GRIN2D: variants seen among roughly 807,000 people sequenced by gnomAD.
GRIN2D encodes the protein glutamate ionotropic receptor NMDA type subunit 2D.
GRIN2D carries 37 observed loss-of-function variants against 103.2 expected under a neutral mutation model. That is an observed-to-expected ratio of 0.36 (90% CI 0.28 to 0.47). GRIN2D has a LOEUF of 0.47. Among genes scored for constraint, GRIN2D ranks in the 20% least tolerant of loss-of-function variants. The pLI, the probability that GRIN2D is intolerant of heterozygous loss-of-function variation, is 1.00. For missense variants in GRIN2D, 1,557 were observed against 1,910.6 expected (o/e 0.81, Z 3.45); for synonymous variants, 845 against 885.6 (o/e 0.95, Z 0.81).
intron 11 of GRIN2D, among the ~76,000 whole-genome samples, chr19:48,424,788 C>T (rs535753095): frequency 5.9e-5 from 9 of 152,210 alleles, no homozygotes; most frequent in African/African-American, 1.7e-4. Context: ...TGCACTGGAC[C>T]GCCCAGGTCG....
At position 48,413,988 on chromosome 19, in the gene GRIN2D, C is replaced by T; in HGVS notation, c.1086-3C>T. 1 of 1,553,950 alleles carries T rather than the reference C, an allele frequency of 6.4e-7. No individual in the cohort carries two copies. On this transcript the variant is annotated splice_polypyrimidine_tract_variant and splice_region_variant and intron_variant, in intron 4 of 13. Transcript: ENST00000263269. ...CATGTCCCCTTTCCCTCCTCCTGGGCAGGTACTTCATGAACATCACGTGGG... is the reference window on the plus strand; with the variant it reads ...CATGTCCCCTTTCCCTCCTCCTGGGTAGGTACTTCATGAACATCACGTGGG...
rs550463155 is a variant in GRIN2D at position 48,408,492 on chromosome 19, C to T, written c.1085+3139C>T. On this transcript the variant is annotated intron_variant, in intron 4 of 13. Coordinates refer to ENST00000263269, the MANE Select transcript of GRIN2D (RefSeq NM_000836.4). ...CCAGCCTGTGCAACAAAGTGAGACC[C>T]TGTCTCTAAAATAATTTAAAAAATT... is the stretch of plus-strand genomic sequence containing the variant. Among the ~76,000 whole-genome samples, 11 of 151,906 alleles carry T rather than the reference C, an allele frequency of 7.2e-5. No homozygotes were observed. The East Asian group carries it at 2.1e-3, about 29-fold the overall frequency.
intron 3 of GRIN2D, among the ~76,000 whole-genome samples, chr19:48,403,683 A>G (rs748771308): frequency 2.0e-5 from 3 of 152,194 alleles, no homozygotes; most frequent in Non-Finnish European, 2.9e-5. Flanking sequence ...AAGAGGTGAC[A>G]GAGAGGTAGG....
In GRIN2D at chr19:48,437,230, C is replaced by T. The variant is rs933257988; in HGVS notation, c.2253-4539C>T. On this transcript the variant is annotated intron_variant, in intron 11 of 13. Coordinates refer to ENST00000263269, the MANE Select transcript of GRIN2D (RefSeq NM_000836.4). ...CATCCTCCTACCCTCAAGCGATCCT[C>T]CCACCTCAGCCTCCCAAGTAGCTGA... is the stretch of plus-strand genomic sequence containing the variant. Among the ~76,000 whole-genome samples the T allele has an allele frequency of 3.3e-5, 5 of 152,162 alleles. 1 individual carries two copies. The highest frequency in any genetic ancestry group is 1.2e-4 in the African/African-American group (5 of 41,426).
At chr19:48,439,173 C>A (rs1399991633) in intron 11 of GRIN2D, among the ~76,000 whole-genome samples, 1 of 149,744 alleles carries the variant, frequency 6.7e-6, no homozygotes, top group Admixed American at 6.6e-5. Context: ...AGGATTGCTT[C>A]AGCCCAGGAG....
At position 48,443,158 on chromosome 19, in the gene GRIN2D, G is replaced by A; in HGVS notation, c.3232G>A (p.Gly1078Ser). ...ACCCCTGCTGGGGCCAGGCGCGGGC[G>A]GCGCGGGGGGCACGGGGGGCGCAGG... ...SQPLLGPGAGGAGGTGGAGGG... is the reference protein window; with the variant it reads ...SQPLLGPGAGSAGGTGGAGGG... The change falls in exon 14 of 14, where the codon GGC becomes AGC. Residue 1078 changes from glycine (G) to serine (S), a missense_variant. Transcript: ENST00000263269. The surrounding 1 kb of genome is among the most constrained non-coding windows in gnomAD (Gnocchi z 8.9). The A allele has an allele frequency of 2.0e-6, 2 of 997,320 alleles. No individual in the cohort carries two copies. The highest frequency in any genetic ancestry group is 2.4e-6 in the Non-Finnish European group (2 of 837,580). The allele number at this position is 997,320 out of a possible 1,614,324, so 61.8% of individuals were successfully genotyped here.
intron 11 of GRIN2D, among the ~76,000 whole-genome samples, chr19:48,436,459 G>A (rs183305045): frequency 6.6e-6 from 1 of 152,336 alleles, no homozygotes; most frequent in African/African-American, 2.4e-5. Flanking sequence ...ATCCCCAGGA[G>A]CAATCGGGGG....
Position 48,414,610 on chromosome 19 carries a change from C to T in GRIN2D, c.1412+26C>T, listed in dbSNP as rs181855160. ...GTGACAGCTCGGGATCCAGGAGTTC[C>T]GGCTCCAAAACCCGCCTCCCGTGAA... On this transcript the variant is annotated intron_variant, in intron 6 of 13. Transcript: ENST00000263269. The surrounding 1 kb of genome is among the most constrained non-coding windows in gnomAD (Gnocchi z 4.6). 22 of 1,543,520 alleles carry T rather than the reference C, an allele frequency of 1.4e-5. No homozygotes were observed. In the African/African-American group the frequency reaches 2.3e-4, roughly 16 times the overall value.
Position 48,442,352 on chromosome 19 carries a change from C to T in GRIN2D, c.2643C>T (p.His881=), listed in dbSNP as rs1182398244. ...TGCGGCACTGCCTGGGGCCCACCCACCGCATGGACTTCCTGCTGGCCTTCT... is the reference window on the plus strand; with the variant it reads ...TGCGGCACTGCCTGGGGCCCACCCATCGCATGGACTTCCTGCTGGCCTTCT... ...WRLRHCLGPT[H]RMDFLLAFSR... The change falls in exon 13 of 14, where the codon CAC becomes CAT. Residue 881 remains histidine (H), a synonymous_variant. Coordinates refer to ENST00000263269, the MANE Select transcript of GRIN2D (RefSeq NM_000836.4). The surrounding 1 kb of genome is among the most constrained non-coding windows in gnomAD (Gnocchi z 7.2). The T allele has an allele frequency of 6.2e-7, 1 of 1,613,076 alleles. No homozygotes were observed. The highest frequency in any genetic ancestry group is 8.5e-7 in the Non-Finnish European group (1 of 1,179,916).
At chr19:48,398,323 T>G (rs1444063459) in intron 2 of GRIN2D, 44 bp from the exon 3 acceptor site, 2 of 798,472 alleles carry the variant, frequency 2.5e-6, no homozygotes, top group African/African-American at 1.9e-5. Flanking sequence ...GTCTCCCGTC[T>G]GTGCCTCCCT....
At chr19:48,431,563 T>A (rs1014368284) in intron 11 of GRIN2D, among the ~76,000 whole-genome samples, 1 of 151,980 alleles carries the variant, frequency 6.6e-6, no homozygotes, top group African/African-American at 2.4e-5. Flanking sequence ...CATTTATCAG[T>A]GACATGCCTT....
In GRIN2D at chr19:48,443,898, G is replaced by C. The variant is rs937327397; in HGVS notation, c.3972G>C (p.Arg1324Ser). The change falls in exon 14 of 14, where the codon AGG (arginine) becomes AGC (serine). Residue 1324 changes from arginine (R) to serine (S), a missense_variant. Physicochemically the swap from Arg to Ser is moderately radical, Grantham distance 110. Coordinates refer to ENST00000263269, the MANE Select transcript of GRIN2D (RefSeq NM_000836.4). The surrounding 1 kb of genome is among the most constrained non-coding windows in gnomAD (Gnocchi z 8.9). ...RHRGGDLGTR[R>S]GSAHFSSLES... ...GGGGCGGGGACCTGGGCACCCGCAG[G>C]GGCTCGGCGCACTTCTCTAGCCTCG... 1.4e-6 allele frequency: 2 copies of C among 1,461,964 alleles called. No homozygotes were observed. The highest frequency in any genetic ancestry group is 1.5e-5 in the African/African-American group (1 of 67,742). 90.6% of individuals were successfully genotyped at this position (1,461,964 alleles called of 1,614,324 possible). A position where few individuals can be genotyped will look rare whatever the true frequency, so the allele number is the denominator to read the frequency against.
intron 2 of GRIN2D, among the ~76,000 whole-genome samples, chr19:48,398,019 C>T (rs981235817): frequency 2.6e-5 from 4 of 151,412 alleles, no homozygotes; most frequent in African/African-American, 9.7e-5. Context: ...CTTCCACCTC[C>T]CTCTGCTGTG....
rs2147455295 is a variant in GRIN2D, at chr19:48,419,238, C to T, written c.1740C>T (p.Pro580=). 6.2e-7 allele frequency: 1 copy of T among 1,607,468 alleles called. No individual in the cohort carries two copies. Among genetic ancestry groups the T allele is most frequent in the East Asian group, 2.2e-5 (1 of 44,794 alleles). ...GTVSPSAFLE[P]YSPAVWVMMF... The stretch of plus-strand genomic sequence containing the variant: ...CACGCACTCCCTTGTCCCCAGAGCC[C>T]TACAGCCCCGCCGTGTGGGTGATGA... Residue 580 remains proline (P), a synonymous_variant, in exon 9 of 14, where the codon CCC becomes CCT. Transcript: ENST00000263269.
At chr19:48,402,543 C>G (rs1970729309) in intron 3 of GRIN2D, among the ~76,000 whole-genome samples, 1 of 151,370 alleles carries the variant, frequency 6.6e-6, no homozygotes. Flanking sequence ...AGGTGAAACC[C>G]CGTCTCTACT....
chr19:48,413,182 A>G (rs1203402525), intron 4 of GRIN2D, among the ~76,000 whole-genome samples: 1 of 145,628 alleles, frequency 6.9e-6, no homozygotes, highest in Non-Finnish European at 1.5e-5. Context: ...CATTAAAAAA[A>G]AAAAAAAAGA....
chr19:48,402,927 G>A (rs1970736712), intron 3 of GRIN2D, among the ~76,000 whole-genome samples: 1 of 151,770 alleles, frequency 6.6e-6, no homozygotes, highest in Admixed American at 6.6e-5. Context: ...GGCCAGGCAT[G>A]GTGGCTCACA....
At position 48,412,412 on chromosome 19, in the gene GRIN2D, AAGAG is replaced by A. The variant is rs1391444901; in HGVS notation, c.1086-1577_1086-1574del. Among the ~76,000 whole-genome samples, 32 of 145,184 alleles carry A rather than the reference AAGAG, an allele frequency of 2.2e-4. No homozygotes were observed. The East Asian group carries it at 5.9e-3, about 27-fold the overall frequency. ...GAAAGAGAAAGAAAAGAAAGAAAGA[AAGAG>A]AAAGAAAAGAAAGAAAGAAAGAAAG... On this transcript the variant is annotated intron_variant, in intron 4 of 13. Coordinates refer to ENST00000263269, the MANE Select transcript of GRIN2D (RefSeq NM_000836.4).
rs1326749704 is a variant in GRIN2D at position 48,442,648 on chromosome 19, C to T, written c.2722C>T (p.Pro908Ser). 2 of 1,479,190 alleles carry T rather than the reference C, an allele frequency of 1.4e-6. No homozygotes were observed. Among genetic ancestry groups the T allele is most frequent in the Non-Finnish European group, 1.8e-6 (2 of 1,115,596 alleles). The allele number at this position is 1,479,190 out of a possible 1,614,324, so 91.6% of individuals were successfully genotyped here. Reference sequence around the variant, plus strand: ...TGAGGCCGCCCCACCGCCCGCCAAGCCCCCGCCGCCGCCACAGCCCCTGCC... The same window carrying T: ...TGAGGCCGCCCCACCGCCCGCCAAGTCCCCGCCGCCGCCACAGCCCCTGCC... ...SAEAAPPPAK[P>S]PPPPQPLPSP... The change falls in exon 14 of 14, where the codon CCC (proline) becomes TCC (serine). Residue 908 changes from proline to serine, a missense_variant. This residue lies in a region of GRIN2D where 632 missense variants were observed against 572.8 expected (regional missense o/e 1.10). Coordinates refer to ENST00000263269, the MANE Select transcript of GRIN2D (RefSeq NM_000836.4). The surrounding 1 kb of genome is among the most constrained non-coding windows in gnomAD (Gnocchi z 7.2).
Sources: gnomAD v4.1 joint callset for allele counts (sites outside exome capture counted in the v4.1 genomes callset) on GRCh38, gnomAD v4.1.1 for gene constraint, gnomAD v4.1.1 regional missense constraint, Gnocchi (gnomAD v3.1) non-coding constraint, MANE v1.5 for transcripts, NCBI Gene and HGNC (gene_info 2026-07-23, HGNC 2026-07-21) for gene names.